ANKFY1: variants seen among roughly 807,000 people sequenced by gnomAD.
ANKFY1 encodes ankyrin repeat and FYVE domain containing 1, also known as ankyrin repeat and FYVE domain-containing protein 1.
In ANKFY1, 47 loss-of-function variants were observed where a neutral mutation model predicts 128.3. That is an observed-to-expected ratio of 0.37 (90% CI 0.29 to 0.47). The LOEUF (loss-of-function observed/expected upper bound fraction) is 0.47. Among genes scored for constraint, ANKFY1 ranks in the 20% least tolerant of loss-of-function variants. ANKFY1 has a pLI of 1.00. For missense variants in ANKFY1, 1,222 were observed against 1,510.6 expected (o/e 0.81, Z 3.17); for synonymous variants, 553 against 601.6 (o/e 0.92, Z 1.18).
intron 1 of ANKFY1, 101 bp from the exon 2 acceptor site, chr17:4,242,549 G>GGAAA: frequency 9.5e-7 from 1 of 1,049,088 alleles, no homozygotes; most frequent in Non-Finnish European, 1.3e-6. Context: ...CAAAGTGACT[G>GGAAA]GCCACTTGAC....
At chr17:4,216,544 A>G (rs2060223402) in intron 4 of ANKFY1, 1 of 247,770 alleles carries the variant, frequency 4.0e-6, no homozygotes, top group Admixed American at 4.9e-5. Context: ...AACACTGGCT[A>G]TGACACTTAT....
intron 1 of ANKFY1, among the ~76,000 whole-genome samples, chr17:4,260,356 C>T (rs1262306293): frequency 6.6e-6 from 1 of 152,138 alleles, no homozygotes; most frequent in Non-Finnish European, 1.5e-5. Context: ...GTGGCTCACA[C>T]CTGTAATCCC....
chr17:4,249,670 C>T (rs145471651), intron 1 of ANKFY1, among the ~76,000 whole-genome samples: 3 of 152,316 alleles, frequency 2.0e-5, no homozygotes, highest in African/African-American at 7.2e-5. Flanking sequence ...CTCTAATCCA[C>T]AACAGCAGCC....
intron 3 of ANKFY1, among the ~76,000 whole-genome samples, chr17:4,235,407 C>A (rs1436348701): frequency 6.6e-6 from 1 of 150,802 alleles, no homozygotes; most frequent in African/African-American, 2.4e-5. Context: ...AATTTGACAG[C>A]AGGACTTTTT....
At chr17:4,248,430 T>C (rs1380440641) in intron 1 of ANKFY1, among the ~76,000 whole-genome samples, 2 of 152,204 alleles carry the variant, frequency 1.3e-5, no homozygotes, top group African/African-American at 4.8e-5. Flanking sequence ...CCCTACCCCA[T>C]CTATGGACAA....
At chr17:4,208,194 C>A (rs1300658696) in intron 5 of ANKFY1, 112 bp from the exon 6 acceptor site, 3 of 984,552 alleles carry the variant, frequency 3.0e-6, no homozygotes, top group Non-Finnish European at 4.3e-6. Context: ...AGGGCTTAAC[C>A]TTTCCCAACT....
At chr17:4,257,877 C>A (rs1241130591) in intron 1 of ANKFY1, among the ~76,000 whole-genome samples, 3 of 152,214 alleles carry the variant, frequency 2.0e-5, no homozygotes, top group Non-Finnish European at 1.5e-5. Flanking sequence ...ACAGGTTCAA[C>A]AGGAGATTCT....
intron 4 of ANKFY1, 131 bp from the exon 5 acceptor site, chr17:4,210,078 G>T: frequency 2.9e-6 from 2 of 685,428 alleles, no homozygotes; most frequent in Non-Finnish European, 4.4e-6. Context: ...TTAAGCAAAG[G>T]GTTATGAATA....
intron 1 of ANKFY1, among the ~76,000 whole-genome samples, chr17:4,253,706 GA>G (rs1967961381): frequency 6.6e-6 from 1 of 152,170 alleles, no homozygotes; most frequent in African/African-American, 2.4e-5. Flanking sequence ...ATTCACTGAA[GA>G]AGTTTCTTGA....
intron 17 of ANKFY1, 133 bp downstream of exon 17, chr17:4,179,588 C>G: frequency 8.4e-7 from 1 of 1,186,062 alleles, no homozygotes; most frequent in Non-Finnish European, 1.2e-6. Context: ...ATCATGAACG[C>G]TGCTAGGGAG....
intron 21 of ANKFY1, among the ~76,000 whole-genome samples, chr17:4,172,923 G>A (rs1388302158): frequency 6.6e-6 from 1 of 152,190 alleles, no homozygotes; most frequent in Admixed American, 6.5e-5. Context: ...GCAGTGGCGC[G>A]ATCTCGGCTC....
rs2059554549 is a variant in ANKFY1 at position 4,183,558 on chromosome 17, A to T, written c.1799-7T>A. The T allele has an allele frequency of 1.2e-6, 2 of 1,611,604 alleles. No individual in the cohort carries two copies. Among genetic ancestry groups the T allele is most frequent in the Non-Finnish European group, 1.7e-6 (2 of 1,179,892 alleles). On this transcript the variant is annotated splice_region_variant and splice_polypyrimidine_tract_variant and intron_variant, in intron 13 of 24. Transcript: ENST00000341657. ...GCTGCGATCGTGTGCATGCCTGGGA[A>T]ACAAGCCCCGATCTCATCCAGGCTC... is the stretch of plus-strand genomic sequence containing the variant.
intron 1 of ANKFY1, among the ~76,000 whole-genome samples, chr17:4,256,989 A>G (rs1406371347): frequency 2.0e-5 from 3 of 152,196 alleles, no homozygotes; most frequent in African/African-American, 7.2e-5. Flanking sequence ...GACTGGAAAC[A>G]CTTCCAACTT....
intron 16 of ANKFY1, chr17:4,180,882 C>A: frequency 5.4e-6 from 1 of 184,294 alleles, no homozygotes; most frequent in Non-Finnish European, 1.1e-5. Flanking sequence ...TCCAAGGGGG[C>A]CACAGAGCCT....
chr17:4,173,175 T>C (rs1246099965), intron 21 of ANKFY1, among the ~76,000 whole-genome samples, 179 bp downstream of exon 21: 3 of 152,240 alleles, frequency 2.0e-5, no homozygotes, highest in African/African-American at 4.8e-5. Context: ...AAGAAGCATT[T>C]TTTATTAAAA....
Position 4,167,837 on chromosome 17 carries a change from T to C in ANKFY1, c.3452A>G (p.Lys1151Arg). ...ACAAATGTTGCAAACCCGCACAGGC[T>C]TGTTCAGATCAAACTTTATAATAGG... ...EIPIIKFDLNKPVRVCNICFD... is the reference protein window; with the variant it reads ...EIPIIKFDLNRPVRVCNICFD... The change falls in exon 25 of 25, where the codon AAG becomes AGG. Residue 1151 changes from lysine (K) to arginine (R), a missense_variant. Transcript: ENST00000341657. The surrounding 1 kb of genome is among the most constrained non-coding windows in gnomAD (Gnocchi z 4.1). 6.2e-7 allele frequency: 1 copy of C among 1,614,136 alleles called. No individual in the cohort carries two copies. Among genetic ancestry groups the C allele is most frequent in the Non-Finnish European group, 8.5e-7 (1 of 1,180,016 alleles).
chr17:4,237,683 G>A (rs1966979394), intron 2 of ANKFY1, among the ~76,000 whole-genome samples: 1 of 151,930 alleles, frequency 6.6e-6, no homozygotes, highest in Non-Finnish European at 1.5e-5. Flanking sequence ...ACATATCAAA[G>A]GGAAATAAAG....
At chr17:4,168,748 A>C (rs2059259470) in intron 24 of ANKFY1, 1 of 154,680 alleles carries the variant, frequency 6.5e-6, no homozygotes, top group East Asian at 1.9e-4. Flanking sequence ...TCCTGACCTC[A>C]AGCGATCCGC....
intron 1 of ANKFY1, chr17:4,263,463 CCCCCA>C (rs984078855): frequency 9.8e-6 from 11 of 1,128,038 alleles, no homozygotes; most frequent in South Asian, 1.5e-5. Flanking sequence ...TGCTGCCTCG[CCCCCA>C]CCCCACCCCA....
Sources: allele counts gnomAD v4.1 joint callset (sites outside exome capture counted in the v4.1 genomes callset), GRCh38; gene constraint gnomAD v4.1.1; non-coding constraint Gnocchi (gnomAD v3.1); transcripts MANE v1.5; gene names NCBI Gene and HGNC (gene_info 2026-07-23, HGNC 2026-07-21).